The following SCCPDH variants were observed in gnomAD, a reference collection of about 807,000 sequenced individuals.
SCCPDH encodes the protein saccharopine dehydrogenase (putative), also known as saccharopine dehydrogenase-like oxidoreductase.
In SCCPDH, 34 loss-of-function variants were observed where a neutral mutation model predicts 51.5. That is an observed-to-expected ratio of 0.66 (90% CI 0.50 to 0.88). SCCPDH has a LOEUF of 0.88. Ranked by LOEUF, SCCPDH falls within the 40% of genes least tolerant of loss-of-function variation. The pLI, the probability that SCCPDH is intolerant of heterozygous loss-of-function variation, is 0.00. For synonymous variants in SCCPDH, 187 were observed against 191.3 expected (o/e 0.98, Z 0.19); for missense variants, 464 against 527.1 (o/e 0.88, Z 1.17).
chr1:246,761,993 T>C (rs1217299118), intron 9 of SCCPDH, among the ~76,000 whole-genome samples: 1 of 152,194 alleles, frequency 6.6e-6, no homozygotes, highest in African/African-American at 2.4e-5. Context: ...TGCTGCACCG[T>C]TTTACCTTCC....
chr1:246,741,630 G>A (rs960298640), intron 4 of SCCPDH, among the ~76,000 whole-genome samples: 2 of 151,854 alleles, frequency 1.3e-5, no homozygotes, highest in African/African-American at 4.8e-5. Context: ...ACAATATATT[G>A]AGACCAAGGT....
At chr1:246,740,716 T>A (rs1466243348) in intron 4 of SCCPDH, among the ~76,000 whole-genome samples, 1 of 152,204 alleles carries the variant, frequency 6.6e-6, no homozygotes, top group Non-Finnish European at 1.5e-5. Flanking sequence ...TATTTAAGAA[T>A]GGAGAAAATA....
Position 246,764,314 on chromosome 1 carries a change from GAACA to G in SCCPDH, c.1063_1066del (p.Lys355GlnfsTer9), listed in dbSNP as rs1244579512. 6.2e-7 allele frequency: 1 copy of G among 1,613,396 alleles called. No homozygotes were observed. Among genetic ancestry groups the G allele is most frequent in the Non-Finnish European group, 8.5e-7 (1 of 1,179,718 alleles). ...ACAGCCAAGGCACTGGTACAGATAA[GAACA>G]AACCAAATATCAAAATTTGTACTCA... On this transcript the variant is annotated frameshift_variant, in exon 10 of 12. Coordinates refer to ENST00000366510, the MANE Select transcript of SCCPDH (RefSeq NM_016002.3). LOFTEE classifies it high-confidence loss of function.
chr1:246,743,481 G>T (rs971629042), intron 4 of SCCPDH, among the ~76,000 whole-genome samples: 1 of 151,988 alleles, frequency 6.6e-6, no homozygotes, highest in Admixed American at 6.5e-5. Flanking sequence ...TACTTGGGAG[G>T]CTGAGGCATG....
intron 5 of SCCPDH, among the ~76,000 whole-genome samples, chr1:246,753,876 A>G (rs1032547799): frequency 2.0e-5 from 3 of 151,952 alleles, no homozygotes; most frequent in South Asian, 2.1e-4. Context: ...GAGGGGGACA[A>G]TGGGGATAGG....
chr1:246,745,680 A>G (rs886584878), intron 5 of SCCPDH, among the ~76,000 whole-genome samples: 1 of 152,224 alleles, frequency 6.6e-6, no homozygotes, highest in African/African-American at 2.4e-5. Context: ...TACTTTCTTC[A>G]TCTCGATTGT....
intron 4 of SCCPDH, among the ~76,000 whole-genome samples, chr1:246,740,752 A>G (rs996847730): frequency 6.6e-6 from 1 of 152,212 alleles, no homozygotes; most frequent in Non-Finnish European, 1.5e-5. Flanking sequence ...ATTTGAAGTT[A>G]CTGATGTTTT....
intron 2 of SCCPDH, among the ~76,000 whole-genome samples, chr1:246,731,428 T>TA (rs1305880720): frequency 2.0e-5 from 3 of 152,244 alleles, no homozygotes; most frequent in Non-Finnish European, 2.9e-5. Context: ...TACTCATAGA[T>TA]ACACTGCCTA....
At chr1:246,742,874 GTA>G (rs1391195052) in intron 4 of SCCPDH, among the ~76,000 whole-genome samples, 3 of 152,150 alleles carry the variant, frequency 2.0e-5, no homozygotes, top group Non-Finnish European at 4.4e-5. Context: ...CACTATGCCT[GTA>G]TATTAGTCTT....
At chr1:246,755,187 A>G (rs966413742) in intron 5 of SCCPDH, among the ~76,000 whole-genome samples, 3 of 152,248 alleles carry the variant, frequency 2.0e-5, no homozygotes, top group African/African-American at 2.4e-5. Flanking sequence ...GGATTAAAAT[A>G]TGAATCCATT....
Position 246,740,216 on chromosome 1 carries a change from C to A in SCCPDH, c.429C>A (p.Asp143Glu). The change falls in exon 4 of 12, where the codon GAC (aspartate) becomes GAA (glutamate). Residue 143 changes from aspartate to glutamate, a missense_variant. Physicochemically the swap from Asp to Glu is conservative, Grantham distance 45. Coordinates refer to ENST00000366510, the MANE Select transcript of SCCPDH (RefSeq NM_016002.3). ...TGAAGTATCATGAGAAAGCTGCAGA[C>A]AAAGGGGTTTATATCATTGGAAGCA... ...MQLKYHEKAA[D>E]KGVYIIGSSG... The A allele has an allele frequency of 6.2e-7, 1 of 1,606,436 alleles. No individual in the cohort carries two copies. Among genetic ancestry groups the A allele is most frequent in the Non-Finnish European group, 8.5e-7 (1 of 1,174,444 alleles).
Position 246,744,906 on chromosome 1 carries a change from G to A in SCCPDH, c.564+781G>A, listed in dbSNP as rs376872903. ...CTCCCAAAGTGCTGGGATTATAGGC[G>A]TGAGCCACTGCACCCGGCCCCTAAA... On this transcript the variant is annotated intron_variant, in intron 5 of 11. Transcript: ENST00000366510. 2.6e-5 allele frequency among the ~76,000 whole-genome samples: 4 copies of A among 152,242 alleles called. No homozygotes were observed. In the East Asian group the frequency reaches 5.8e-4, roughly 22 times the overall value.
At chr1:246,745,200 C>T (rs921547599) in intron 5 of SCCPDH, among the ~76,000 whole-genome samples, 1 of 152,208 alleles carries the variant, frequency 6.6e-6, no homozygotes, top group Non-Finnish European at 1.5e-5. Flanking sequence ...AAGACATTGA[C>T]GTTGGGAACG....
intron 6 of SCCPDH, among the ~76,000 whole-genome samples, chr1:246,758,821 G>C (rs61852492): frequency 1.3e-5 from 2 of 149,684 alleles, no homozygotes; most frequent in Non-Finnish European, 3.0e-5. Context: ...GGAGCGTTCT[G>C]GTTTTTTTTT....
Position 246,724,591 on chromosome 1 carries a change from G to T in SCCPDH, c.169G>T (p.Glu57Ter). 1 of 1,508,870 alleles carries T rather than the reference G, an allele frequency of 6.6e-7. No homozygotes were observed. Among genetic ancestry groups the T allele is most frequent in the Non-Finnish European group, 8.8e-7 (1 of 1,132,072 alleles). 93.5% of individuals were successfully genotyped at this position (1,508,870 alleles called of 1,614,324 possible). A position where few individuals can be genotyped will look rare whatever the true frequency, so the allele number is the denominator to read the frequency against. The change falls in exon 1 of 12, where the codon GAG (glutamate) becomes TAG (stop). Residue 57 changes from glutamate (E) to a stop codon, truncating the protein, a stop_gained. Coordinates refer to ENST00000366510, the MANE Select transcript of SCCPDH (RefSeq NM_016002.3). LOFTEE classifies it high-confidence loss of function. ...CCGGGAGAAGCTGCAGCGGGTGCTGGAGAAGGCGGCCCTGAAGCTGGGTAC... is the reference window on the plus strand; with the variant it reads ...CCGGGAGAAGCTGCAGCGGGTGCTGTAGAAGGCGGCCCTGAAGCTGGGTAC... Reference protein sequence around the residue: ...RSREKLQRVLEKAALKLGRPT... With the variant: ...RSREKLQRVL
chr1:246,730,814 T>C (rs1332240716), intron 2 of SCCPDH, among the ~76,000 whole-genome samples: 4 of 152,056 alleles, frequency 2.6e-5, no homozygotes, highest in African/African-American at 9.7e-5. Context: ...ATCCCAAACC[T>C]CTGGGAGGCT....
intron 5 of SCCPDH, among the ~76,000 whole-genome samples, chr1:246,752,201 GACTTA>G (rs765547740): frequency 2.5e-4 from 38 of 152,150 alleles, no homozygotes; most frequent in Non-Finnish European, 4.1e-4. Flanking sequence ...ATACATGTTA[GACTTA>G]ACTTTTAGCA....
At chr1:246,737,844 G>A (rs189001744) in intron 3 of SCCPDH, among the ~76,000 whole-genome samples, 13 of 152,020 alleles carry the variant, frequency 8.6e-5, no homozygotes, top group Admixed American at 2.0e-4. Context: ...CACCTGCATC[G>A]GCCTCCCAGA....
At chr1:246,767,107 GT>G in intron 11 of SCCPDH, 87 bp from the exon 12 acceptor site, 1 of 847,256 alleles carries the variant, frequency 1.2e-6, no homozygotes, top group South Asian at 2.3e-5. Flanking sequence ...GTTTTCAGGG[GT>G]TCTGTAGCAA....
Sources: gnomAD v4.1 joint callset for allele counts (sites outside exome capture counted in the v4.1 genomes callset) on GRCh38, gnomAD v4.1.1 for gene constraint, MANE v1.5 for transcripts, NCBI Gene and HGNC (gene_info 2026-07-23, HGNC 2026-07-21) for gene names.